The following MAGI1 variants were observed in gnomAD, a reference collection of about 807,000 sequenced individuals.
MAGI1 encodes membrane associated guanylate kinase, WW and PDZ domain containing 1, also known as membrane-associated guanylate kinase, WW and PDZ domain-containing protein 1.
MAGI1 carries 58 observed loss-of-function variants against 139.9 expected under a neutral mutation model. The observed-to-expected ratio is 0.41, with a 90% CI of 0.34 to 0.52. The LOEUF (loss-of-function observed/expected upper bound fraction) is 0.52. MAGI1 is among the 20% of genes least tolerant of loss of function. The probability of loss-of-function intolerance (pLI) is 0.12; values close to 1 mark genes in which losing one functional copy is unlikely to be tolerated. For missense variants in MAGI1, 1,874 were observed against 1,901.6 expected (o/e 0.99, Z 0.27); for synonymous variants, 812 against 737.9 (o/e 1.10, Z -1.63).
At chr3:65,642,931 C>T (rs1213898143) in intron 1 of MAGI1, among the ~76,000 whole-genome samples, 1 of 152,206 alleles carries the variant, frequency 6.6e-6, no homozygotes, top group Non-Finnish European at 1.5e-5. Flanking sequence ...CAAGCCAAAT[C>T]AGCTTGAAGA....
At chr3:65,658,996 C>T (rs1372197821) in intron 1 of MAGI1, among the ~76,000 whole-genome samples, 2 of 152,038 alleles carry the variant, frequency 1.3e-5, no homozygotes, top group Non-Finnish European at 2.9e-5. Context: ...CACTTCTTGC[C>T]GGCTCCTCTT....
At chr3:65,508,837 G>A (rs185838361) in intron 2 of MAGI1, among the ~76,000 whole-genome samples, 1 of 152,314 alleles carries the variant, frequency 6.6e-6, no homozygotes, top group Non-Finnish European at 1.5e-5. Context: ...ATCACACAAT[G>A]CTTACTGGTT....
At chr3:65,411,997 G>A (rs924037991) in intron 12 of MAGI1, among the ~76,000 whole-genome samples, 6 of 152,032 alleles carry the variant, frequency 3.9e-5, no homozygotes, top group African/African-American at 9.7e-5. Context: ...TATCCGCACC[G>A]AGGCCAGAGA....
At chr3:65,734,964 T>C (rs76938834) in intron 1 of MAGI1, among the ~76,000 whole-genome samples, 1 of 151,884 alleles carries the variant, frequency 6.6e-6, no homozygotes. Flanking sequence ...CTATAGATCA[T>C]TACAATTCAC....
At chr3:65,717,613 TG>T (rs1211134152) in intron 1 of MAGI1, 1 of 152,190 alleles carries the variant, frequency 6.6e-6, no homozygotes, top group African/African-American at 2.4e-5. Context: ...GCCTAGAAAC[TG>T]ATATAACACT....
At chr3:65,447,432 T>C (rs1948743940) in intron 7 of MAGI1, among the ~76,000 whole-genome samples, 2 of 152,156 alleles carry the variant, frequency 1.3e-5, no homozygotes, top group South Asian at 4.1e-4. Flanking sequence ...AAACAGTACA[T>C]ACAGATGCTG....
In MAGI1 at chr3:65,812,957, C is replaced by T. The variant is rs573141231; in HGVS notation, c.314-190869G>A. 6.0e-5 allele frequency among the ~76,000 whole-genome samples: 9 copies of T among 151,184 alleles called. No individual in the cohort carries two copies. The East Asian group carries it at 1.4e-3, about 23-fold the overall frequency. On this transcript the variant is annotated intron_variant, in intron 1 of 22. Coordinates refer to ENST00000402939, the MANE Select transcript of MAGI1 (RefSeq NM_001033057.2). The stretch of plus-strand genomic sequence containing the variant: ...AACTCCTGACCTCAGGTGATCCGAC[C>T]GCCTCAGCCTCGCAAAGTGCTGGAA...
intron 1 of MAGI1, among the ~76,000 whole-genome samples, chr3:65,834,291 C>T (rs1428402396): frequency 1.3e-5 from 2 of 152,162 alleles, no homozygotes; most frequent in African/African-American, 4.8e-5. Context: ...ATGAATCATC[C>T]AGGAGAAAAA....
chr3:65,395,803 G>C (rs993468512), intron 13 of MAGI1, among the ~76,000 whole-genome samples: 4 of 151,856 alleles, frequency 2.6e-5, no homozygotes, highest in Admixed American at 2.0e-4. Context: ...TTAGTTTCAA[G>C]AGGGGGAATC....
intron 1 of MAGI1, chr3:65,925,123 C>A (rs1388430767): frequency 6.6e-6 from 1 of 152,174 alleles, no homozygotes; most frequent in Admixed American, 6.5e-5. Flanking sequence ...TCGTCTACTT[C>A]CATTGCTCAT....
chr3:65,495,618 T>G lies in MAGI1; in HGVS notation c.431-1987A>C, dbSNP rs567601195. ...GAGACACAGAAAACAAATATGTATATAAATAAATATAGCATATAATATCAG... is the reference window on the plus strand; with the variant it reads ...GAGACACAGAAAACAAATATGTATAGAAATAAATATAGCATATAATATCAG... On this transcript the variant is annotated intron_variant, in intron 2 of 22. Coordinates refer to ENST00000402939, the MANE Select transcript of MAGI1 (RefSeq NM_001033057.2). Among the ~76,000 whole-genome samples the G allele has an allele frequency of 2.6e-5, 4 of 152,246 alleles. No individual in the cohort carries two copies. In the East Asian group the frequency reaches 5.8e-4, roughly 22 times the overall value.
intron 12 of MAGI1, among the ~76,000 whole-genome samples, chr3:65,413,099 A>G (rs7627271): frequency 0.7 from 106,648 of 151,604 alleles, 38,537 homozygotes; most frequent in African/African-American, 0.89. Flanking sequence ...AAAATCTCAG[A>G]TCCTTTTCTT....
At chr3:65,884,991 T>C (rs556147848) in intron 1 of MAGI1, among the ~76,000 whole-genome samples, 55 of 152,290 alleles carry the variant, frequency 3.6e-4, no homozygotes, top group African/African-American at 1.2e-3. Flanking sequence ...TGCACAAAAA[T>C]TGTTCATCAC....
chr3:65,562,928 T>A (rs899423413), intron 2 of MAGI1, among the ~76,000 whole-genome samples: 2 of 152,210 alleles, frequency 1.3e-5, no homozygotes, highest in African/African-American at 4.8e-5. Context: ...GTTCCCTGTT[T>A]GGGATCTGTA....
At chr3:65,966,191 A>G (rs186353584) in intron 1 of MAGI1, among the ~76,000 whole-genome samples, 7 of 152,328 alleles carry the variant, frequency 4.6e-5, no homozygotes, top group Admixed American at 1.3e-4. Context: ...CAGGTGACCA[A>G]TGATGGCACT....
intron 5 of MAGI1, among the ~76,000 whole-genome samples, chr3:65,463,850 C>A (rs1172143529): frequency 6.6e-6 from 1 of 152,008 alleles, no homozygotes; most frequent in African/African-American, 2.4e-5. Context: ...CTGGTTTAGT[C>A]TTGGGTGGGT....
chr3:65,576,803 C>T (rs138406091), intron 2 of MAGI1, among the ~76,000 whole-genome samples: 3 of 152,274 alleles, frequency 2.0e-5, no homozygotes, highest in East Asian at 3.9e-4. Context: ...TAGGTATCTG[C>T]CACCAGGATT....
At chr3:65,491,346 C>G (rs1952018806) in intron 3 of MAGI1, among the ~76,000 whole-genome samples, 1 of 152,130 alleles carries the variant, frequency 6.6e-6, no homozygotes, top group Admixed American at 6.5e-5. Context: ...AGAAAAAGAA[C>G]TGACTCCACC....
chr3:65,780,360 T>A (rs143149689), intron 1 of MAGI1, among the ~76,000 whole-genome samples: 3,508 of 152,290 alleles, frequency 0.023, 53 homozygotes, highest in Non-Finnish European at 0.03. Flanking sequence ...TTAATTTCAG[T>A]CAATGCTTAA....
Sources: allele counts gnomAD v4.1 joint callset (sites outside exome capture counted in the v4.1 genomes callset), GRCh38; gene constraint gnomAD v4.1.1; transcripts MANE v1.5; gene names NCBI Gene and HGNC (gene_info 2026-07-23, HGNC 2026-07-21).